The following NFIA variants were observed in gnomAD, a reference collection of about 807,000 sequenced individuals.
The protein encoded by NFIA is nuclear factor I A, also known as nuclear factor 1 A-type.
Under a neutral mutation model 62.8 loss-of-function variants are expected in NFIA, and 8 were observed. That is an observed-to-expected ratio of 0.13 (90% CI 0.07 to 0.23). NFIA has a LOEUF of 0.23. NFIA is among the 10% of genes least tolerant of loss of function. The pLI is 1.00. For missense variants in NFIA, 410 were observed against 642.1 expected (o/e 0.64, Z 3.91); for synonymous variants, 235 against 238.1 (o/e 0.99, Z 0.12).
Position 61,113,938 on chromosome 1 carries a change from A to G in NFIA, c.559+25258A>G, listed in dbSNP as rs531443363. Among the ~76,000 whole-genome samples the G allele has an allele frequency of 1.4e-4, 21 of 152,290 alleles. No individual in the cohort carries two copies. In the South Asian group the frequency reaches 4.1e-3, roughly 30 times the overall value. ...AATCATGTAGGGTTTTTGAACAGGG[A>G]TATGACATGCTTCAAGAGGTTTTTT... is the stretch of plus-strand genomic sequence containing the variant. On this transcript the variant is annotated intron_variant, in intron 2 of 10. Transcript: ENST00000403491.
chr1:61,292,383 G>A (rs535467332), intron 3 of NFIA, among the ~76,000 whole-genome samples: 2 of 152,146 alleles, frequency 1.3e-5, no homozygotes, highest in African/African-American at 4.8e-5. Flanking sequence ...GTCTTTTCAG[G>A]GGAAAATAAT....
chr1:61,418,959 A>G lies in NFIA; in HGVS notation c.1421-7506A>G, dbSNP rs185526882. 3.9e-5 allele frequency among the ~76,000 whole-genome samples: 6 copies of G among 152,294 alleles called. No homozygotes were observed. The East Asian group carries it at 1.2e-3, about 29-fold the overall frequency. On this transcript the variant is annotated intron_variant, in intron 9 of 10. Coordinates refer to ENST00000403491, the MANE Select transcript of NFIA (RefSeq NM_001134673.4). ...ATATAACTTTCACCTGTCCCTACCC[A>G]TATACATGGTTGCTTCTGATCAATA... is the stretch of plus-strand genomic sequence containing the variant.
At chr1:61,155,400 G>A (rs1190020206) in intron 2 of NFIA, among the ~76,000 whole-genome samples, 1 of 152,138 alleles carries the variant, frequency 6.6e-6, no homozygotes, top group Admixed American at 6.5e-5. Context: ...TTGGCCGGGC[G>A]CGGTGGCTCA....
chr1:61,451,365 T>G (rs1036624052), intron 10 of NFIA, among the ~76,000 whole-genome samples: 42 of 152,214 alleles, frequency 2.8e-4, no homozygotes, highest in African/African-American at 9.4e-4. Context: ...TTGCATTACA[T>G]GAGTTGAATA....
At chr1:61,209,901 C>T (rs1653139526) in intron 2 of NFIA, among the ~76,000 whole-genome samples, 2 of 152,028 alleles carry the variant, frequency 1.3e-5, no homozygotes, top group Admixed American at 6.6e-5. Context: ...TTGGAAAATA[C>T]AGAAAAATGG....
At chr1:61,311,387 G>A (rs553613551) in intron 3 of NFIA, among the ~76,000 whole-genome samples, 18 of 140,222 alleles carry the variant, frequency 1.3e-4, no homozygotes, top group South Asian at 5.2e-4. Context: ...GTGAAACTCC[G>A]TCTCAAAAAA....
intron 2 of NFIA, among the ~76,000 whole-genome samples, chr1:61,206,423 T>A (rs1041284764): frequency 6.6e-6 from 1 of 152,180 alleles, no homozygotes; most frequent in Admixed American, 6.5e-5. Flanking sequence ...TGCTAACAAG[T>A]TTTCAGATTA....
chr1:61,119,159 T>C (rs1646844032), intron 2 of NFIA, among the ~76,000 whole-genome samples: 1 of 152,168 alleles, frequency 6.6e-6, no homozygotes, highest in African/African-American at 2.4e-5. Context: ...ATCTTAAATA[T>C]TTGCACGTAT....
At chr1:61,290,620 A>C (rs995070759) in intron 3 of NFIA, among the ~76,000 whole-genome samples, 1 of 152,226 alleles carries the variant, frequency 6.6e-6, no homozygotes, top group Non-Finnish European at 1.5e-5. Flanking sequence ...GTAGGATCCT[A>C]AACAATAGAA....
At chr1:61,361,782 GGTGTGTGT>G (rs61410878) in intron 6 of NFIA, among the ~76,000 whole-genome samples, 10,276 of 142,022 alleles carry the variant, frequency 0.072, 832 homozygotes, top group African/African-American at 0.2. Context: ...TTTGGTAAGA[GGTGTGTGT>G]GTGTGTGTGT....
intron 2 of NFIA, among the ~76,000 whole-genome samples, chr1:61,193,108 G>A (rs529469768): frequency 6.6e-6 from 1 of 152,298 alleles, no homozygotes; most frequent in South Asian, 2.1e-4. Context: ...CCTCTAATGT[G>A]GGGGAAAACA....
At position 61,263,728 on chromosome 1, in the gene NFIA, C is replaced by G. The variant is rs998068234; in HGVS notation, c.560-13792C>G. On this transcript the variant is annotated intron_variant, in intron 2 of 10. Coordinates refer to ENST00000403491, the MANE Select transcript of NFIA (RefSeq NM_001134673.4). ...AAATAGCATTGGCTGGGCACGGTGG[C>G]TCACGCCTGTAATCCCAGCACTTTG... Among the ~76,000 whole-genome samples the G allele has an allele frequency of 2.0e-5, 3 of 152,180 alleles. No individual in the cohort carries two copies. In the East Asian group the frequency reaches 5.8e-4, roughly 29 times the overall value.
At chr1:61,341,971 A>G (rs1366819941) in intron 4 of NFIA, among the ~76,000 whole-genome samples, 2 of 152,182 alleles carry the variant, frequency 1.3e-5, no homozygotes. Flanking sequence ...GTACATTATC[A>G]TAGCTAACTC....
At chr1:61,080,224 C>T (rs1365553652), upstream of NFIA, among the ~76,000 whole-genome samples, 1 of 152,032 alleles carries the variant, frequency 6.6e-6, no homozygotes, top group Non-Finnish European at 1.5e-5. Flanking sequence ...CGGGGCACAT[C>T]CACTGCTGCA....
At chr1:61,444,757 T>C (rs1667732210) in intron 10 of NFIA, among the ~76,000 whole-genome samples, 1 of 152,184 alleles carries the variant, frequency 6.6e-6, no homozygotes, top group Non-Finnish European at 1.5e-5. Context: ...AGTGTATATG[T>C]ATATATATCA....
intron 2 of NFIA, among the ~76,000 whole-genome samples, chr1:61,129,409 CAT>C (rs1461825650): frequency 2.7e-5 from 4 of 150,498 alleles, no homozygotes; most frequent in African/African-American, 9.8e-5. Context: ...GCAACTGAAA[CAT>C]ATGCACAGAA....
chr1:61,344,007 C>G (rs1662074826), intron 4 of NFIA, among the ~76,000 whole-genome samples: 1 of 152,190 alleles, frequency 6.6e-6, no homozygotes, highest in African/African-American at 2.4e-5. Context: ...TCAGGAAACT[C>G]TGGCAGAGAG....
At chr1:61,104,848 A>C (rs2100442541) in intron 2 of NFIA, among the ~76,000 whole-genome samples, 1 of 152,220 alleles carries the variant, frequency 6.6e-6, no homozygotes, top group East Asian at 1.9e-4. Flanking sequence ...GAGACTGAGA[A>C]TAATTGTCTT....
At chr1:61,192,005 G>C (rs535192623) in intron 2 of NFIA, among the ~76,000 whole-genome samples, 1 of 151,942 alleles carries the variant, frequency 6.6e-6, no homozygotes, top group Non-Finnish European at 1.5e-5. Flanking sequence ...TGGTGCCCAG[G>C]CTGGATTGCA....
Sources: gnomAD v4.1 joint callset for allele counts (sites outside exome capture counted in the v4.1 genomes callset) on GRCh38, gnomAD v4.1.1 for gene constraint, MANE v1.5 for transcripts, NCBI Gene and HGNC (gene_info 2026-07-23, HGNC 2026-07-21) for gene names.